ARHGAP36: variants seen among roughly 807,000 people sequenced by gnomAD.
ARHGAP36 encodes the protein rho GTPase-activating protein 36.
Under a neutral mutation model 32.9 loss-of-function variants are expected in ARHGAP36, and 7 were observed. The observed-to-expected ratio is 0.21, with a 90% CI of 0.12 to 0.40. ARHGAP36 has a LOEUF of 0.40. Among genes scored for constraint, ARHGAP36 ranks in the 10% least tolerant of loss-of-function variants. The pLI, the probability that ARHGAP36 is intolerant of heterozygous loss-of-function variation, is 1.00. For missense variants in ARHGAP36, 383 were observed against 442.2 expected (o/e 0.87, Z 1.20); for synonymous variants, 165 against 168.3 (o/e 0.98, Z 0.15).
chrX:131,061,615 G>T (rs894205096), intron 1 of ARHGAP36, among the ~76,000 whole-genome samples: 1 of 111,618 alleles, frequency 9.0e-6, no homozygotes, highest in African/African-American at 3.3e-5. Context: ...GCTGAGGCCA[G>T]GCCTAGTTGT....
intron 1 of ARHGAP36, among the ~76,000 whole-genome samples, chrX:131,060,701 T>G (rs1188410643): frequency 8.9e-6 from 1 of 112,624 alleles, no homozygotes; most frequent in Non-Finnish European, 1.9e-5. Context: ...AACATACCCC[T>G]GCAGCACACC....
intron 1 of ARHGAP36, among the ~76,000 whole-genome samples, chrX:131,072,244 C>A (rs1323386398): frequency 9.0e-6 from 1 of 111,710 alleles, no homozygotes; most frequent in Non-Finnish European, 1.9e-5. Context: ...GTGAAGTCAG[C>A]TTCTGTTTTG....
rs779030925 is a variant in ARHGAP36, at chrX:131,084,767, T to TG, written c.804+92dup. 8.4e-4 allele frequency: 980 copies of TG among 1,171,636 alleles called. 3 individuals are homozygous for TG. The African/African-American group carries it at 0.016, about 19-fold the overall frequency. ...TTTCCCCATAGACCTGACTACCTGG[T>TG]GGGGGGAGGAGCAGGGTCTTCTTTG... On this transcript the variant is annotated intron_variant, in intron 6 of 11. Transcript: ENST00000276211.
At chrX:131,086,161 C>T in intron 9 of ARHGAP36, 72 bp downstream of exon 9, 2 of 1,159,886 alleles carry the variant, frequency 1.7e-6, no homozygotes, top group South Asian at 1.9e-5. Flanking sequence ...ACAGTTGTAC[C>T]TGCATCTTTG....
rs72142237 is a variant in ARHGAP36 at position 131,077,764 on chromosome X, C to CATATATATATATATAT, written c.-142-3733_-142-3718dup. 5.1e-4 allele frequency among the ~76,000 whole-genome samples: 44 copies of CATATATATATATATAT among 86,996 alleles called. 3 individuals carry two copies. The highest frequency in any genetic ancestry group is 1.8e-3 in the African/African-American group (36 of 19,574). 75.5% of individuals were successfully genotyped at this position (86,996 alleles called of 115,157 possible). A position where few individuals can be genotyped will look rare whatever the true frequency, so the allele number is the denominator to read the frequency against. On this transcript the variant is annotated intron_variant, in intron 1 of 11. Transcript: ENST00000276211. Reference sequence around the variant, plus strand: ...GCCCCTTTACTTATCCAAATAAAATCATATATATATATATATATATATATA... The same window carrying CATATATATATATATAT: ...GCCCCTTTACTTATCCAAATAAAATCATATATATATATATATATATATATATATATATATATATATA...
chrX:131,083,938 T>C lies in ARHGAP36; in HGVS notation c.524T>C (p.Leu175Ser). ...FFSRRRNEPT[L>S]PREFTRRGRR... ...AGTCGCAGGCGGAATGAGCCCACCT[T>C]GCCCCGGGAGTTCACTCGCCGTGGG... Residue 175 changes from leucine to serine, a missense_variant, in exon 4 of 12, where the codon TTG becomes TCG. Transcript: ENST00000276211. The C allele has an allele frequency of 8.3e-7, 1 of 1,211,677 alleles. No individual in the cohort carries two copies. The highest frequency in any genetic ancestry group is 3.0e-5 in the East Asian group (1 of 33,811).
intron 1 of ARHGAP36, 55 bp from the exon 2 acceptor site, chrX:131,081,469 G>C (rs1295200517): frequency 4.3e-5 from 39 of 903,287 alleles, no homozygotes; most frequent in Non-Finnish European, 5.4e-5. Context: ...TCTTTTTCCT[G>C]GACTATCTGT....
Position 131,084,607 on chromosome X carries a change from C to T in ARHGAP36, c.749-19C>T, listed in dbSNP as rs756999878. The T allele has an allele frequency of 4.1e-6, 5 of 1,209,954 alleles. No individual in the cohort carries two copies. In the South Asian group the frequency reaches 7.0e-5, roughly 17 times the overall value. On this transcript the variant is annotated intron_variant, in intron 5 of 11. Coordinates refer to ENST00000276211, the MANE Select transcript of ARHGAP36 (RefSeq NM_144967.4). ...AAGGGATTCAGAGATGCTTAGCATC[C>T]CCTGGTCTTTTCTTTCAGGCTTAAG...
In ARHGAP36 at chrX:131,089,476, T is replaced by C. The variant is rs1016476477; in HGVS notation, c.*691T>C. Reference sequence around the variant, plus strand: ...AATTAGTGTTTCTGGGATCCAAAGTTAGAGGAAAATTTAGATTTTATTGCC... The same window carrying C: ...AATTAGTGTTTCTGGGATCCAAAGTCAGAGGAAAATTTAGATTTTATTGCC... On this transcript the variant is annotated 3_prime_UTR_variant, in exon 12 of 12. Coordinates refer to ENST00000276211, the MANE Select transcript of ARHGAP36 (RefSeq NM_144967.4). 1.8e-5 allele frequency: 2 copies of C among 112,865 alleles called. No homozygotes were observed. The highest frequency in any genetic ancestry group is 6.4e-5 in the African/African-American group (2 of 31,058). 9.3% of individuals were successfully genotyped at this position (112,865 alleles called of 1,213,427 possible).
chrX:131,085,942 C>T lies in ARHGAP36; in HGVS notation c.1134C>T (p.Asn378=), dbSNP rs1265776448. ...LVPGNRMTST[N]LALVFGSALL... ...CAGGCAACCGTATGACTTCCACTAA[C>T]TTGGCCTTGGTGTTTGGATCTGCTC... Residue 378 remains asparagine (N), a synonymous_variant, in exon 9 of 12, where the codon AAC becomes AAT. Transcript: ENST00000276211. 1 of 1,209,930 alleles carries T rather than the reference C, an allele frequency of 8.3e-7. No individual in the cohort carries two copies.
At chrX:131,075,894 C>T (rs2079761194) in intron 1 of ARHGAP36, among the ~76,000 whole-genome samples, 1 of 111,287 alleles carries the variant, frequency 9.0e-6, no homozygotes, top group Non-Finnish European at 1.9e-5. Flanking sequence ...CATATTCCTC[C>T]ATGGCATTTT....
chrX:131,083,497 G>A (rs2079816969), intron 3 of ARHGAP36, among the ~76,000 whole-genome samples: 1 of 112,019 alleles, frequency 8.9e-6, no homozygotes, highest in Non-Finnish European at 1.9e-5. Flanking sequence ...TCACCCCCAG[G>A]GAAAATTTAA....
At chrX:131,070,791 C>T (rs1241638596) in intron 1 of ARHGAP36, among the ~76,000 whole-genome samples, 1 of 108,990 alleles carries the variant, frequency 9.2e-6, no homozygotes, top group Non-Finnish European at 1.9e-5. Context: ...ACCAGGCAAT[C>T]GCTGTAATCC....
chrX:131,074,338 AGTGTGTGT>A (rs55741600), intron 1 of ARHGAP36, among the ~76,000 whole-genome samples: 47 of 103,249 alleles, frequency 4.6e-4, no homozygotes, highest in Middle Eastern at 4.9e-3. Context: ...TATGTGTGTG[AGTGTGTGT>A]GTGTGTGTGT....
intron 1 of ARHGAP36, 32 bp from the exon 2 acceptor site, chrX:131,081,489 AATT>A: frequency 9.7e-7 from 1 of 1,029,185 alleles, no homozygotes; most frequent in Non-Finnish European, 1.2e-6. Context: ...TTAAGGGCTG[AATT>A]TTTGAAGTTG....
At chrX:131,073,553 C>T (rs2079743861) in intron 1 of ARHGAP36, among the ~76,000 whole-genome samples, 1 of 113,132 alleles carries the variant, frequency 8.8e-6, no homozygotes, top group African/African-American at 3.2e-5. Context: ...GCTCTCTCTT[C>T]AACTGCGAAT....
At chrX:131,080,732 T>C (rs1003910678) in intron 1 of ARHGAP36, among the ~76,000 whole-genome samples, 4 of 112,489 alleles carry the variant, frequency 3.6e-5, no homozygotes, top group African/African-American at 1.3e-4. Flanking sequence ...ATGATGTTTG[T>C]TGGTTTTGGT....
intron 1 of ARHGAP36, among the ~76,000 whole-genome samples, chrX:131,067,613 G>A (rs1004122459): frequency 2.7e-5 from 3 of 111,902 alleles, no homozygotes; most frequent in African/African-American, 9.8e-5. Context: ...GGTCACTTGG[G>A]TTCTTTTAGA....
chrX:131,081,380 C>T, intron 1 of ARHGAP36, 144 bp from the exon 2 acceptor site: 1 of 415,751 alleles, frequency 2.4e-6, no homozygotes, highest in Admixed American at 6.4e-5. Flanking sequence ...TTTCAAAGTG[C>T]TTTTGTTAAA....
Sources: gnomAD v4.1 joint callset for allele counts (sites outside exome capture counted in the v4.1 genomes callset) on GRCh38, gnomAD v4.1.1 for gene constraint, MANE v1.5 for transcripts, NCBI Gene and HGNC (gene_info 2026-07-23, HGNC 2026-07-21) for gene names.